Variants in PEX26 observed in about 807,000 individuals in gnomAD.
PEX26 encodes peroxisomal biogenesis factor 26.
In PEX26, 18 loss-of-function variants were observed where a neutral mutation model predicts 31.4. That is an observed-to-expected ratio of 0.57 (90% CI 0.40 to 0.85). The LOEUF (loss-of-function observed/expected upper bound fraction) is 0.85, where lower values mean the gene tolerates loss of function less well. Ranked by LOEUF, PEX26 falls within the 40% of genes least tolerant of loss-of-function variation. The pLI is 0.00. For synonymous variants in PEX26, 176 were observed against 166.9 expected, an observed-to-expected ratio of 1.05 and a Z score of -0.42; for missense variants, 377 against 383.9, an observed-to-expected ratio of 0.98 and a Z score of 0.15.
chr22:18,101,876 T>C lies in PEX26; in HGVS notation c.*13801T>C, dbSNP rs891083118. 5.6e-5 allele frequency: 9 copies of C among 161,354 alleles called. No individual in the cohort carries two copies. Among genetic ancestry groups the C allele is most frequent in the Non-Finnish European group, 1.2e-4 (9 of 73,662 alleles). The allele number at this position is 161,354 out of a possible 1,614,324, so 10.0% of individuals were successfully genotyped here. On this transcript the variant is annotated 3_prime_UTR_variant, in exon 5 of 5. Coordinates refer to ENST00000399744, the MANE Select transcript of PEX26 (RefSeq NM_001127649.3). ...CGACAACGCCTGGCATGATTGAGGG[T>C]GACACATCACGGCAGATGATGGCTG...
At chr22:18,085,369 A>T (rs560737580) in intron 4 of PEX26, 111 bp downstream of exon 4, 1 of 1,115,612 alleles carries the variant, frequency 9.0e-7, no homozygotes, top group East Asian at 2.4e-5. Flanking sequence ...AGTCTCTCCT[A>T]TGACATTTCC....
rs1481705580 is a variant in PEX26 at position 18,100,592 on chromosome 22, TA to T, written c.*12523del. On this transcript the variant is annotated 3_prime_UTR_variant, in exon 5 of 5. Coordinates refer to ENST00000399744, the MANE Select transcript of PEX26 (RefSeq NM_001127649.3). ...GTCAGTACAGATTCTCACTTCTACT[TA>T]AAAAATCAAAGGTACACATTGGGAA... 5 of 152,192 alleles carry T rather than the reference TA, an allele frequency of 3.3e-5. No individual in the cohort carries two copies. Among genetic ancestry groups the T allele is most frequent in the African/African-American group, 1.2e-4 (5 of 41,430 alleles). The allele number at this position is 152,192 out of a possible 1,614,324, so 9.4% of individuals were successfully genotyped here. A position where few individuals can be genotyped will look rare whatever the true frequency, so the allele number is the denominator to read the frequency against.
In PEX26 at chr22:18,104,654, C is replaced by G. The variant is rs1927565639; in HGVS notation, c.*16579C>G. On this transcript the variant is annotated 3_prime_UTR_variant, in exon 5 of 5. Coordinates refer to ENST00000399744, the MANE Select transcript of PEX26 (RefSeq NM_001127649.3). ...CCAGCCTCAGTGTTCTCTGCACAGT[C>G]TGTCACTGACTCCCGCTCCCAGTGC... 6.6e-6 allele frequency: 1 copy of G among 152,440 alleles called. No individual in the cohort carries two copies. Among genetic ancestry groups the G allele is most frequent in the Non-Finnish European group, 1.5e-5 (1 of 68,166 alleles). 9.4% of individuals were successfully genotyped at this position (152,440 alleles called of 1,614,324 possible).
Position 18,104,187 on chromosome 22 carries a change from T to A in PEX26, c.*16112T>A, listed in dbSNP as rs1265698362. 1 of 152,102 alleles carries A rather than the reference T, an allele frequency of 6.6e-6. No homozygotes were observed. The highest frequency in any genetic ancestry group is 1.9e-4 in the East Asian group (1 of 5,190). The allele number at this position is 152,102 out of a possible 1,614,324, so 9.4% of individuals were successfully genotyped here. ...TGACCGACGGCTTCATCTTTCCTAGTCTATCCCACACAGACCTTTAGGTGC... is the reference window on the plus strand; with the variant it reads ...TGACCGACGGCTTCATCTTTCCTAGACTATCCCACACAGACCTTTAGGTGC... On this transcript the variant is annotated 3_prime_UTR_variant, in exon 5 of 5. Coordinates refer to ENST00000399744, the MANE Select transcript of PEX26 (RefSeq NM_001127649.3).
chr22:18,096,844 C>G lies in PEX26; in HGVS notation c.*8769C>G, dbSNP rs1927311769. On this transcript the variant is annotated 3_prime_UTR_variant, in exon 5 of 5. Transcript: ENST00000399744. Reference sequence around the variant, plus strand: ...TGAAAAAGTCTAGTGTGAAAGCAGTCTGTATTAGTCCATTTTCACACTGCT... The same window carrying G: ...TGAAAAAGTCTAGTGTGAAAGCAGTGTGTATTAGTCCATTTTCACACTGCT... 6.6e-6 allele frequency: 1 copy of G among 152,226 alleles called. No individual in the cohort carries two copies. Among genetic ancestry groups the G allele is most frequent in the Admixed American group, 6.5e-5 (1 of 15,280 alleles). 9.4% of individuals were successfully genotyped at this position (152,226 alleles called of 1,614,324 possible).
chr22:18,078,030 C>T lies in PEX26; in HGVS notation c.-347C>T. On this transcript the variant is annotated 5_prime_UTR_variant, in exon 1 of 5. Coordinates refer to ENST00000399744, the MANE Select transcript of PEX26 (RefSeq NM_001127649.3). ...TGGGCGAGCGCAAAGATGTCCGCGCCCGCTGCCGGGAGGCGAGGTGAGTCT... is the reference window on the plus strand; with the variant it reads ...TGGGCGAGCGCAAAGATGTCCGCGCTCGCTGCCGGGAGGCGAGGTGAGTCT... 1 of 484,092 alleles carries T rather than the reference C, an allele frequency of 2.1e-6. No homozygotes were observed. The highest frequency in any genetic ancestry group is 1.6e-5 in the South Asian group (1 of 64,362). The allele number at this position is 484,092 out of a possible 1,614,324, so 30.0% of individuals were successfully genotyped here.
chr22:18,078,484 C>T lies in PEX26; in HGVS notation c.108C>T (p.Asp36=). The T allele has an allele frequency of 6.4e-7, 1 of 1,574,482 alleles. No homozygotes were observed. The highest frequency in any genetic ancestry group is 1.1e-5 in the South Asian group (1 of 87,806). The stretch of plus-strand genomic sequence containing the variant: ...TCCCGGCCCGGGCGCCGGCCGTGGA[C>T]CTTCTGGAGGAGGCGGCCGACCTCC... ...RAVPARAPAV[D]LLEEAADLLV... Residue 36 remains aspartate (D), a synonymous_variant, in exon 1 of 5, where the codon GAC becomes GAT. Coordinates refer to ENST00000399744, the MANE Select transcript of PEX26 (RefSeq NM_001127649.3).
chr22:18,080,128 C>G (rs1926496362), intron 2 of PEX26, 114 bp downstream of exon 2: 4 of 1,139,124 alleles, frequency 3.5e-6, no homozygotes, highest in African/African-American at 1.5e-5. Context: ...AGATCGGATT[C>G]TTTCCCTTCA....
Position 18,102,134 on chromosome 22 carries a change from T to G in PEX26, c.*14059T>G, listed in dbSNP as rs1287991109. On this transcript the variant is annotated 3_prime_UTR_variant, in exon 5 of 5. Coordinates refer to ENST00000399744, the MANE Select transcript of PEX26 (RefSeq NM_001127649.3). ...ACAAAGAGGACTCATGATAGTGGGTTATTCCACACTGTTGACACACTGAAT... is the reference window on the plus strand; with the variant it reads ...ACAAAGAGGACTCATGATAGTGGGTGATTCCACACTGTTGACACACTGAAT... 1 of 152,260 alleles carries G rather than the reference T, an allele frequency of 6.6e-6. No individual in the cohort carries two copies. The highest frequency in any genetic ancestry group is 2.4e-5 in the African/African-American group (1 of 41,442). 9.4% of individuals were successfully genotyped at this position (152,260 alleles called of 1,614,324 possible). A position where few individuals can be genotyped will look rare whatever the true frequency, so the allele number is the denominator to read the frequency against.
chr22:18,104,549 T>C lies in PEX26; in HGVS notation c.*16474T>C, dbSNP rs1285862851. 1 of 152,100 alleles carries C rather than the reference T, an allele frequency of 6.6e-6. No homozygotes were observed. The highest frequency in any genetic ancestry group is 1.9e-4 in the East Asian group (1 of 5,190). 9.4% of individuals were successfully genotyped at this position (152,100 alleles called of 1,614,324 possible). ...GGTAGCGGAGGAAGGTGGTTACCCA[T>C]CTGTGACAGAGCCTTGGATGTCACG... is the stretch of plus-strand genomic sequence containing the variant. On this transcript the variant is annotated 3_prime_UTR_variant, in exon 5 of 5. Transcript: ENST00000399744.
chr22:18,081,234 A>G lies in PEX26; in HGVS notation c.371+1220A>G, dbSNP rs1198137476. 5.4e-5 allele frequency among the ~76,000 whole-genome samples: 6 copies of G among 111,710 alleles called. No homozygotes were observed. In the South Asian group the frequency reaches 1.9e-3, roughly 35 times the overall value. The allele number at this position is 111,710 out of a possible 152,430, so 73.3% of individuals were successfully genotyped here. On this transcript the variant is annotated intron_variant, in intron 2 of 4. Transcript: ENST00000399744. ...ACATATATACACATAATATACATAT[A>G]TGTACACATATACACACACACACAC...
rs1360498532 is a variant in PEX26 at position 18,102,479 on chromosome 22, G to C, written c.*14404G>C. On this transcript the variant is annotated 3_prime_UTR_variant, in exon 5 of 5. Coordinates refer to ENST00000399744, the MANE Select transcript of PEX26 (RefSeq NM_001127649.3). ...GATCTAGTGCCACAGCTTGTTCGGG[G>C]AAGCTGGCATAGAAGATGATTTGCT... The C allele has an allele frequency of 6.5e-6, 1 of 154,818 alleles. No homozygotes were observed. Among genetic ancestry groups the C allele is most frequent in the Non-Finnish European group, 1.5e-5 (1 of 68,944 alleles). 9.6% of individuals were successfully genotyped at this position (154,818 alleles called of 1,614,324 possible).
chr22:18,089,429 TAGCATTTG>T lies in PEX26; in HGVS notation c.*1357_*1364del, dbSNP rs1365727177. The T allele has an allele frequency of 6.6e-6, 1 of 152,666 alleles. No homozygotes were observed. The highest frequency in any genetic ancestry group is 1.5e-5 in the Non-Finnish European group (1 of 68,112). The allele number at this position is 152,666 out of a possible 1,614,324, so 9.5% of individuals were successfully genotyped here. ...CCTTAGGGAGGTGGCACCGAGGCCTTAGCATTTGAGGAGCTGAAATGTTTCAGTGTTGT... is the reference window on the plus strand; with the variant it reads ...CCTTAGGGAGGTGGCACCGAGGCCTTAGGAGCTGAAATGTTTCAGTGTTGT... On this transcript the variant is annotated 3_prime_UTR_variant, in exon 5 of 5. Coordinates refer to ENST00000399744, the MANE Select transcript of PEX26 (RefSeq NM_001127649.3).
intron 2 of PEX26, among the ~76,000 whole-genome samples, chr22:18,083,001 G>A (rs1354601583): frequency 1.3e-5 from 2 of 152,144 alleles, no homozygotes; most frequent in Non-Finnish European, 2.9e-5. Context: ...ATGGTTCACT[G>A]TCACGTATAG....
In PEX26 at chr22:18,093,770, TA is replaced by T. The variant is rs1359504161; in HGVS notation, c.*5698del. On this transcript the variant is annotated 3_prime_UTR_variant, in exon 5 of 5. Transcript: ENST00000399744. Reference sequence around the variant, plus strand: ...ACCCCATTTCTATTAAAAATAAATGTAAACACCCAACCCTCTTGGCAGCCCA... The same window carrying T: ...ACCCCATTTCTATTAAAAATAAATGTAACACCCAACCCTCTTGGCAGCCCA... 6.6e-6 allele frequency: 1 copy of T among 152,182 alleles called. No individual in the cohort carries two copies. Among genetic ancestry groups the T allele is most frequent in the Non-Finnish European group, 1.5e-5 (1 of 68,040 alleles). 9.4% of individuals were successfully genotyped at this position (152,182 alleles called of 1,614,324 possible). A position where few individuals can be genotyped will look rare whatever the true frequency, so the allele number is the denominator to read the frequency against.
Position 18,078,507 on chromosome 22 carries a change from T to C in PEX26, c.131T>C (p.Leu44Pro), listed in dbSNP as rs61752131. 4 of 1,571,546 alleles carry C rather than the reference T, an allele frequency of 2.5e-6. No homozygotes were observed. The highest frequency in any genetic ancestry group is 3.4e-6 in the Non-Finnish European group (4 of 1,161,770). Residue 44 changes from leucine (L) to proline (P), a missense_variant, in exon 1 of 5, where the codon CTC becomes CCC. Physicochemically the swap from Leu to Pro is moderately conservative, Grantham distance 98. Coordinates refer to ENST00000399744, the MANE Select transcript of PEX26 (RefSeq NM_001127649.3). The stretch of plus-strand genomic sequence containing the variant: ...GACCTTCTGGAGGAGGCGGCCGACC[T>C]CCTGGTGGTGCACCTGGACTTCCGG... ...AVDLLEEAAD[L>P]LVVHLDFRAA... is the part of the protein sequence containing the mutation.
rs544916820 is a variant in PEX26, at chr22:18,096,752, A to G, written c.*8677A>G. The G allele has an allele frequency of 1.2e-4, 19 of 152,282 alleles. No homozygotes were observed. Among genetic ancestry groups the G allele is most frequent in the Non-Finnish European group, 2.1e-4 (14 of 68,038 alleles). The allele number at this position is 152,282 out of a possible 1,614,324, so 9.4% of individuals were successfully genotyped here. On this transcript the variant is annotated 3_prime_UTR_variant, in exon 5 of 5. Coordinates refer to ENST00000399744, the MANE Select transcript of PEX26 (RefSeq NM_001127649.3). The stretch of plus-strand genomic sequence containing the variant: ...TTCTTAAAGTGCTAAGCCTTTTTAT[A>G]TATTCATTTCAGACCATGTTTAATT...
rs982456875 is a variant in PEX26 at position 18,100,447 on chromosome 22, T to G, written c.*12372T>G. 7.2e-5 allele frequency: 11 copies of G among 152,116 alleles called. No homozygotes were observed. The highest frequency in any genetic ancestry group is 7.2e-4 in the Admixed American group (11 of 15,276). 9.4% of individuals were successfully genotyped at this position (152,116 alleles called of 1,614,324 possible). On this transcript the variant is annotated 3_prime_UTR_variant, in exon 5 of 5. Transcript: ENST00000399744. ...GATGATACTTGCAAAATACCTCAAG[T>G]GTACCTCATTTACCTCAAATATACC...
At chr22:18,086,445 T>C (rs764117554) in intron 4 of PEX26, among the ~76,000 whole-genome samples, 2 of 152,242 alleles carry the variant, frequency 1.3e-5, no homozygotes, top group Non-Finnish European at 1.5e-5. Context: ...AGCATGGCCT[T>C]AAATCGCTAA....
Sources: gnomAD v4.1 joint callset for allele counts (sites outside exome capture counted in the v4.1 genomes callset) on GRCh38, gnomAD v4.1.1 for gene constraint, MANE v1.5 for transcripts, NCBI Gene and HGNC (gene_info 2026-07-23, HGNC 2026-07-21) for gene names.